CACNA1D: variants seen among roughly 807,000 people sequenced by gnomAD.
The protein encoded by CACNA1D is calcium voltage-gated channel subunit alpha1 D, also known as voltage-dependent L-type calcium channel subunit alpha-1D.
Under a neutral mutation model 257.1 loss-of-function variants are expected in CACNA1D, and 55 were observed. The observed-to-expected ratio is 0.21, with a 90% CI of 0.17 to 0.27. The LOEUF (loss-of-function observed/expected upper bound fraction) is 0.27. Ranked by LOEUF, CACNA1D falls within the 10% of genes least tolerant of loss-of-function variation. The pLI is 1.00. For synonymous variants in CACNA1D, 980 were observed against 1,014.9 expected, an observed-to-expected ratio of 0.97 and a Z score of 0.65; for missense variants, 1,876 against 2,784.0, an observed-to-expected ratio of 0.67 and a Z score of 7.34.
chr3:53,688,097 T>C (rs1245951355), intron 8 of CACNA1D, among the ~76,000 whole-genome samples: 2 of 152,188 alleles, frequency 1.3e-5, no homozygotes, highest in African/African-American at 4.8e-5. Flanking sequence ...CCAAGAGAAA[T>C]GAAAATCTAT....
intron 3 of CACNA1D, among the ~76,000 whole-genome samples, chr3:53,537,013 G>C (rs1341215166): frequency 2.0e-5 from 3 of 152,142 alleles, no homozygotes; most frequent in Non-Finnish European, 4.4e-5. Flanking sequence ...ACCATGGCTG[G>C]TTAGTCTCAC....
At position 53,786,827 on chromosome 3, in the gene CACNA1D, G is replaced by A. The variant is rs2095456239; in HGVS notation, c.4798G>A (p.Glu1600Lys). The A allele has an allele frequency of 1.3e-6, 2 of 1,578,922 alleles. No individual in the cohort carries two copies. The highest frequency in any genetic ancestry group is 1.4e-5 in the African/African-American group (1 of 73,506). Residue 1600 changes from glutamate (E) to lysine (K), a missense_variant, in exon 40 of 48, where the codon GAG becomes AAG. By Grantham distance (56) the Glu-to-Lys change is moderately conservative. This residue lies in a region of CACNA1D where 160 missense variants were observed against 236.6 expected (regional missense o/e 0.68). Coordinates refer to ENST00000350061, the MANE Select transcript of CACNA1D (RefSeq NM_001128840.3). ...TGTCTGGTCTCTCCGTTTAGATGAT[G>A]AGGTAACCGTGGGGAAGTTCTATGC... The part of the protein sequence containing the change: ...DQVVPPAGDD[E>K]VTVGKFYATF...
At position 53,774,797 on chromosome 3, in the gene CACNA1D, CTTTTTG is replaced by C. The variant is rs947805359; in HGVS notation, c.4202+129_4202+134del. The C allele has an allele frequency of 5.8e-6, 4 of 685,228 alleles. No homozygotes were observed. The highest frequency in any genetic ancestry group is 3.6e-5 in the African/African-American group (2 of 56,312). The allele number at this position is 685,228 out of a possible 1,614,324, so 42.4% of individuals were successfully genotyped here. A position where few individuals can be genotyped will look rare whatever the true frequency, so the allele number is the denominator to read the frequency against. ...TGCCTTTCTCAGTTGATTGTGATGG[CTTTTTG>C]TTTTTGTTTGTTCTGTATTCTTAAA... On this transcript the variant is annotated intron_variant, in intron 34 of 47. Transcript: ENST00000350061. This position sits in a 1 kb window ranked among gnomAD's most constrained non-coding sequence, Gnocchi z 4.3.
intron 18 of CACNA1D, 106 bp downstream of exon 18, chr3:53,732,188 A>G: frequency 2.4e-6 from 2 of 827,588 alleles, no homozygotes; most frequent in Non-Finnish European, 2.1e-6. Context: ...CGTGCACATG[A>G]GCTGCTGAGG....
At chr3:53,640,544 G>C (rs1398832450) in intron 3 of CACNA1D, among the ~76,000 whole-genome samples, 2 of 152,212 alleles carry the variant, frequency 1.3e-5, no homozygotes, top group Admixed American at 1.3e-4. Flanking sequence ...AGGGGATTCT[G>C]CAGAGGTAGA....
intron 3 of CACNA1D, among the ~76,000 whole-genome samples, chr3:53,608,395 T>C (rs2093540488): frequency 1.3e-5 from 2 of 152,246 alleles, no homozygotes; most frequent in Non-Finnish European, 2.9e-5. Context: ...TCATTAGGAT[T>C]TTAGACATAT....
intron 3 of CACNA1D, among the ~76,000 whole-genome samples, chr3:53,569,705 C>T (rs141808727): frequency 6.6e-6 from 1 of 152,316 alleles, no homozygotes; most frequent in East Asian, 1.9e-4. Context: ...AGGCATTCAA[C>T]TATGCAGTAT....
intron 44 of CACNA1D, among the ~76,000 whole-genome samples, chr3:53,804,512 C>A (rs1158237855): frequency 6.6e-6 from 1 of 152,166 alleles, no homozygotes; most frequent in Non-Finnish European, 1.5e-5. Context: ...GAAAAGAAAA[C>A]CTCACGAACC....
At chr3:53,770,682 T>C (rs2095361477) in intron 32 of CACNA1D, 130 bp downstream of exon 32, 1 of 820,904 alleles carries the variant, frequency 1.2e-6, no homozygotes. Context: ...ATAGAAAACA[T>C]GGAATGCTGG....
In CACNA1D at chr3:53,664,008, C is replaced by T. The variant is rs567418416; in HGVS notation, c.767-1652C>T. Among the ~76,000 whole-genome samples, 6 of 152,276 alleles carry T rather than the reference C, an allele frequency of 3.9e-5. No homozygotes were observed. In the South Asian group the frequency reaches 1.2e-3, roughly 32 times the overall value. Reference sequence around the variant, plus strand: ...CTCGAACTCCTGACCTCAAGTGATCCATCTGCCTCGGCCTCCCAAAGTGCT... The same window carrying T: ...CTCGAACTCCTGACCTCAAGTGATCTATCTGCCTCGGCCTCCCAAAGTGCT... On this transcript the variant is annotated intron_variant, in intron 5 of 47. Coordinates refer to ENST00000350061, the MANE Select transcript of CACNA1D (RefSeq NM_001128840.3).
chr3:53,661,889 C>G lies in CACNA1D; in HGVS notation c.766+1614C>G, dbSNP rs191193819. On this transcript the variant is annotated intron_variant, in intron 5 of 47. Coordinates refer to ENST00000350061, the MANE Select transcript of CACNA1D (RefSeq NM_001128840.3). ...TAGGGAGATTTGTATGTAACTCTCCCCCAGGTCAGCAGGGAAAAATGTGAG... is the reference window on the plus strand; with the variant it reads ...TAGGGAGATTTGTATGTAACTCTCCGCCAGGTCAGCAGGGAAAAATGTGAG... 9.2e-5 allele frequency among the ~76,000 whole-genome samples: 14 copies of G among 152,294 alleles called. No individual in the cohort carries two copies. In the East Asian group the frequency reaches 1.7e-3, roughly 19 times the overall value.
At chr3:53,607,193 G>A (rs1469602014) in intron 3 of CACNA1D, among the ~76,000 whole-genome samples, 2 of 152,200 alleles carry the variant, frequency 1.3e-5, no homozygotes, top group African/African-American at 4.8e-5. Context: ...AGCAAAGACT[G>A]CAGTTGCTGG....
intron 15 of CACNA1D, 97 bp from the exon 16 acceptor site, chr3:53,730,345 C>G (rs899337994): frequency 1.2e-4 from 99 of 811,562 alleles, no homozygotes; most frequent in African/African-American, 1.7e-5. Flanking sequence ...TCACTTACTA[C>G]CAGCTTCCCG....
At chr3:53,629,473 A>G (rs992265324) in intron 3 of CACNA1D, among the ~76,000 whole-genome samples, 1 of 152,244 alleles carries the variant, frequency 6.6e-6, no homozygotes, top group East Asian at 1.9e-4. Flanking sequence ...GCATCCTTTA[A>G]CATTGAGATG....
chr3:53,501,527 G>A, intron 2 of CACNA1D, 88 bp from the exon 3 acceptor site: 1 of 754,798 alleles, frequency 1.3e-6, no homozygotes, highest in South Asian at 1.5e-5. Context: ...CCTTTTAAAA[G>A]TGCTTTGAAA....
At chr3:53,629,054 G>A (rs562857446) in intron 3 of CACNA1D, among the ~76,000 whole-genome samples, 4 of 152,306 alleles carry the variant, frequency 2.6e-5, no homozygotes, top group African/African-American at 9.6e-5. Context: ...TAGGCTTTGT[G>A]GGCCGTGTGG....
chr3:53,704,029 G>A (rs2094656752), intron 9 of CACNA1D, among the ~76,000 whole-genome samples: 1 of 152,182 alleles, frequency 6.6e-6, no homozygotes, highest in Non-Finnish European at 1.5e-5. Flanking sequence ...GCGTGAGGGA[G>A]GCGTGGAGGT....
rs530792016 is a variant in CACNA1D at position 53,807,207 on chromosome 3, G to A, written c.5750-1442G>A. Among the ~76,000 whole-genome samples the A allele has an allele frequency of 4.6e-5, 7 of 152,182 alleles. No individual in the cohort carries two copies. The South Asian group carries it at 8.3e-4, about 18-fold the overall frequency. ...AAGCACCACATACAGGAGAGGGACC[G>A]CTGCTCTCCTTTCCCAGCCCCCAGC... is the stretch of plus-strand genomic sequence containing the variant. On this transcript the variant is annotated intron_variant, in intron 45 of 47. Transcript: ENST00000350061.
chr3:53,553,636 T>G (rs1440690418), intron 3 of CACNA1D, among the ~76,000 whole-genome samples: 1 of 152,178 alleles, frequency 6.6e-6, no homozygotes, highest in Non-Finnish European at 1.5e-5. Context: ...CCATTTTCTT[T>G]CCAATGCAGT....
Sources: gnomAD v4.1 joint callset for allele counts (sites outside exome capture counted in the v4.1 genomes callset) on GRCh38, gnomAD v4.1.1 for gene constraint, gnomAD v4.1.1 regional missense constraint, Gnocchi (gnomAD v3.1) non-coding constraint, MANE v1.5 for transcripts, NCBI Gene and HGNC (gene_info 2026-07-23, HGNC 2026-07-21) for gene names.